Variants in FKBP6 observed in about 807,000 individuals in gnomAD.
The protein encoded by FKBP6 is FKBP prolyl isomerase family member 6 (inactive), also known as inactive peptidyl-prolyl cis-trans isomerase FKBP6.
In FKBP6, 29 loss-of-function variants were observed where a neutral mutation model predicts 41.7. That is an observed-to-expected ratio of 0.70 (90% CI 0.52 to 0.95). The LOEUF is 0.95. Among genes scored for constraint, FKBP6 ranks in the 40% least tolerant of loss-of-function variants. The pLI is 0.00. For synonymous variants in FKBP6, 130 were observed against 165.1 expected, an observed-to-expected ratio of 0.79 and a Z score of 1.63; for missense variants, 338 against 408.7, an observed-to-expected ratio of 0.83 and a Z score of 1.49.
chr7:73,329,970 A>G, intron 3 of FKBP6, 180 bp from the exon 4 acceptor site: 1 of 655,120 alleles, frequency 1.5e-6, no homozygotes, highest in Non-Finnish European at 2.7e-6. Flanking sequence ...TGGAAGTTTG[A>G]ATAAAATTTA....
rs3950375 is a variant in FKBP6, at chr7:73,330,140, A to T, written c.266-10A>T. 3 of 1,610,078 alleles carry T rather than the reference A, an allele frequency of 1.9e-6. No individual in the cohort carries two copies. The South Asian group carries it at 3.3e-5, about 18-fold the overall frequency. ...CAAGCTTCACCCACCTTCTTTGTCC[A>T]TTCTTACAGATATTACACTGTGGGG... On this transcript the variant is annotated splice_polypyrimidine_tract_variant and intron_variant, in intron 3 of 8. Transcript: ENST00000252037.
At chr7:73,331,545 A>C (rs1804841984) in intron 4 of FKBP6, 112 bp from the exon 5 acceptor site, 1 of 1,001,014 alleles carries the variant, frequency 1.0e-6, no homozygotes, top group Non-Finnish European at 1.6e-6. Flanking sequence ...ACATGTTCTC[A>C]CTATGTTGCC....
chr7:73,329,348 C>T lies in FKBP6; in HGVS notation c.176-12C>T. 1 of 1,533,242 alleles carries T rather than the reference C, an allele frequency of 6.5e-7. No individual in the cohort carries two copies. Among genetic ancestry groups the T allele is most frequent in the Non-Finnish European group, 9.0e-7 (1 of 1,106,324 alleles). 95.0% of individuals were successfully genotyped at this position (1,533,242 alleles called of 1,614,324 possible). A position where few individuals can be genotyped will look rare whatever the true frequency, so the allele number is the denominator to read the frequency against. Reference sequence around the variant, plus strand: ...TTGGTCCATTTTCCTTACATTCTTTCTTCTATCCTAGTGAAATACTCGGGA... The same window carrying T: ...TTGGTCCATTTTCCTTACATTCTTTTTTCTATCCTAGTGAAATACTCGGGA... On this transcript the variant is annotated splice_polypyrimidine_tract_variant and intron_variant, in intron 2 of 8. Transcript: ENST00000252037.
At chr7:73,340,891 C>A (rs1805159257) in intron 6 of FKBP6, 59 bp downstream of exon 6, 50 of 905,886 alleles carry the variant, frequency 5.5e-5, no homozygotes, top group Non-Finnish European at 8.4e-5. Context: ...TAGCAGTGCT[C>A]AACTCAGCTA....
Position 73,330,159 on chromosome 7 carries a change from T to G in FKBP6, c.275T>G (p.Leu92Arg). ...RLMKLGEDITLWGMELGLLSM... is the reference protein window; with the variant it reads ...RLMKLGEDITRWGMELGLLSM... ...TTGTCCATTCTTACAGATATTACACTGTGGGGCATGGAGCTGGGCCTTCTG... is the reference window on the plus strand; with the variant it reads ...TTGTCCATTCTTACAGATATTACACGGTGGGGCATGGAGCTGGGCCTTCTG... The change falls in exon 4 of 9, where the codon CTG becomes CGG. Residue 92 changes from leucine (L) to arginine (R), a missense_variant. By Grantham distance (102) the Leu-to-Arg change is moderately radical. Transcript: ENST00000252037. The G allele has an allele frequency of 6.2e-7, 1 of 1,613,348 alleles. No homozygotes were observed. The highest frequency in any genetic ancestry group is 1.3e-5 in the African/African-American group (1 of 75,002).
At chr7:73,352,132 A>AT (rs1318077173) in intron 8 of FKBP6, among the ~76,000 whole-genome samples, 5 of 151,736 alleles carry the variant, frequency 3.3e-5, no homozygotes, top group South Asian at 4.2e-4. Context: ...TGCCCTGCTG[A>AT]TTTTTTTTAT....
chr7:73,330,760 C>CT (rs1804816001), intron 4 of FKBP6, among the ~76,000 whole-genome samples: 1 of 152,186 alleles, frequency 6.6e-6, no homozygotes, highest in African/African-American at 2.4e-5. Context: ...GGGCTGTTCA[C>CT]TGGAGGGGTT....
rs567363351 is a variant in FKBP6, at chr7:73,348,304, C to A, written c.*2+5405C>A. Among the ~76,000 whole-genome samples, 176 of 152,296 alleles carry A rather than the reference C, an allele frequency of 1.2e-3. 1 individual carries two copies. Among genetic ancestry groups the A allele is most frequent in the South Asian group, 1.9e-3 (9 of 4,826 alleles). ...TTTCATAATGCCACACCTTTCCCCC[C>A]CTTCTTTGAAAAATCTCAAAGTTAC... is the stretch of plus-strand genomic sequence containing the variant. On this transcript the variant is annotated intron_variant, in intron 8 of 8. Transcript: ENST00000252037.
chr7:73,341,231 A>G, intron 6 of FKBP6, 42 bp from the exon 7 acceptor site: 1 of 1,379,274 alleles, frequency 7.3e-7, no homozygotes, highest in South Asian at 1.2e-5. Flanking sequence ...GCCAAATGAT[A>G]TCTTTTCTAA....
At chr7:73,349,560 A>T (rs1443726311) in intron 8 of FKBP6, among the ~76,000 whole-genome samples, 1 of 146,036 alleles carries the variant, frequency 6.8e-6, no homozygotes, top group African/African-American at 2.5e-5. Flanking sequence ...AAAAAAAAAA[A>T]AAAAAAATAC....
At chr7:73,348,306 T>C (rs1045154116) in intron 8 of FKBP6, among the ~76,000 whole-genome samples, 4 of 152,184 alleles carry the variant, frequency 2.6e-5, no homozygotes, top group African/African-American at 9.7e-5. Context: ...TTTCCCCCCC[T>C]TCTTTGAAAA....
At chr7:73,350,769 G>A (rs946835693) in intron 8 of FKBP6, among the ~76,000 whole-genome samples, 7 of 152,262 alleles carry the variant, frequency 4.6e-5, no homozygotes, top group African/African-American at 7.2e-5. Context: ...GGTGAGCCCC[G>A]GAGCAGCGGG....
chr7:73,338,592 C>T (rs1479409484), intron 5 of FKBP6, among the ~76,000 whole-genome samples: 17 of 152,168 alleles, frequency 1.1e-4, no homozygotes, highest in African/African-American at 3.4e-4. Flanking sequence ...TACATTCCCA[C>T]GAGTAATGTG....
rs558783493 is a variant in FKBP6 at position 73,358,536 on chromosome 7, T to C, written c.*358T>C. 20 of 152,740 alleles carry C rather than the reference T, an allele frequency of 1.3e-4. No individual in the cohort carries two copies. The highest frequency in any genetic ancestry group is 4.1e-4 in the African/African-American group (17 of 41,568). The allele number at this position is 152,740 out of a possible 1,614,324, so 9.5% of individuals were successfully genotyped here. On this transcript the variant is annotated 3_prime_UTR_variant, in exon 9 of 9. Transcript: ENST00000252037. ...GTCAACACCAATAGAGATTGCTTTG[T>C]GTATTTTGTAGGGTTCTCTGTTTTG...
intron 5 of FKBP6, among the ~76,000 whole-genome samples, chr7:73,332,354 G>GT (rs1373792900): frequency 6.6e-6 from 1 of 151,966 alleles, no homozygotes; most frequent in East Asian, 1.9e-4. Context: ...GTGGTGGTGG[G>GT]TGCCTGTAAT....
chr7:73,351,571 G>A (rs1264683856), intron 8 of FKBP6, among the ~76,000 whole-genome samples: 1 of 152,070 alleles, frequency 6.6e-6, no homozygotes, highest in Non-Finnish European at 1.5e-5. Context: ...TCCCTTTGTT[G>A]TGTGGCTATA....
intron 5 of FKBP6, among the ~76,000 whole-genome samples, chr7:73,333,932 C>T (rs550784326): frequency 3.0e-4 from 45 of 152,078 alleles, no homozygotes; most frequent in Admixed American, 6.6e-4. Context: ...ATTAGCTGGG[C>T]GTGTTGGTGG....
chr7:73,350,261 G>A (rs547955075), intron 8 of FKBP6, among the ~76,000 whole-genome samples: 2 of 152,270 alleles, frequency 1.3e-5, no homozygotes, highest in Admixed American at 1.3e-4. Flanking sequence ...GCTTTATCAT[G>A]TCTGTAAACC....
intron 5 of FKBP6, 127 bp downstream of exon 5, chr7:73,331,903 GC>G: frequency 1.0e-6 from 1 of 982,832 alleles, no homozygotes. Context: ...TCGCTCTGTC[GC>G]CCAGGCTGGA....
Sources: gnomAD v4.1 joint callset for allele counts (sites outside exome capture counted in the v4.1 genomes callset) on GRCh38, gnomAD v4.1.1 for gene constraint, MANE v1.5 for transcripts, NCBI Gene and HGNC (gene_info 2026-07-23, HGNC 2026-07-21) for gene names.